The following THSD7B variants were observed in gnomAD, a reference collection of about 807,000 sequenced individuals.
THSD7B encodes thrombospondin type-1 domain-containing protein 7B.
Under a neutral mutation model 213.6 loss-of-function variants are expected in THSD7B, and 138 were observed. The observed-to-expected ratio is 0.65, with a 90% confidence interval of 0.56 to 0.74. The LOEUF is 0.74. Ranked by LOEUF, THSD7B falls within the 30% of genes least tolerant of loss-of-function variation. The pLI is 0.00. For synonymous variants in THSD7B, 742 were observed against 687.0 expected (o/e 1.08, Z -1.25); for missense variants, 1,931 against 1,991.5 (o/e 0.97, Z 0.58).
chr2:137,205,082 G>A (rs991049571), intron 7 of THSD7B, among the ~76,000 whole-genome samples: 2 of 152,170 alleles, frequency 1.3e-5, no homozygotes, highest in Non-Finnish European at 2.9e-5. Context: ...CTCCAGGTAA[G>A]CCTGGGCCAG....
chr2:137,350,535 A>G (rs1456920261), intron 12 of THSD7B, among the ~76,000 whole-genome samples: 1 of 151,868 alleles, frequency 6.6e-6, no homozygotes, highest in Non-Finnish European at 1.5e-5. Flanking sequence ...TATAAGCCAC[A>G]TTCATGTATC....
chr2:137,313,361 T>C (rs915598215), intron 12 of THSD7B, among the ~76,000 whole-genome samples: 5 of 152,148 alleles, frequency 3.3e-5, no homozygotes, highest in African/African-American at 7.2e-5. Context: ...ATTTGCTTGG[T>C]AGATCTTCCT....
intron 12 of THSD7B, among the ~76,000 whole-genome samples, chr2:137,378,445 T>A (rs1228908391): frequency 6.6e-6 from 1 of 152,208 alleles, no homozygotes; most frequent in African/African-American, 2.4e-5. Flanking sequence ...TTAAGAGATT[T>A]GTCTTGCAGC....
At chr2:137,354,842 T>C (rs535389756) in intron 12 of THSD7B, among the ~76,000 whole-genome samples, 67 of 152,108 alleles carry the variant, frequency 4.4e-4, no homozygotes, top group East Asian at 7.8e-4. Context: ...TTTTTTTTTT[T>C]CTAAGTCTTG....
At chr2:136,869,531 C>T (rs1683396892) in intron 1 of THSD7B, among the ~76,000 whole-genome samples, 1 of 152,164 alleles carries the variant, frequency 6.6e-6, no homozygotes, top group African/African-American at 2.4e-5. Flanking sequence ...TATTGAAGCA[C>T]AGCAGTATTA....
At chr2:137,430,490 C>T (rs1320462688) in intron 14 of THSD7B, among the ~76,000 whole-genome samples, 1 of 152,158 alleles carries the variant, frequency 6.6e-6, no homozygotes, top group Admixed American at 6.5e-5. Context: ...AACAATGTTT[C>T]TCTAGCATAC....
chr2:137,614,962 T>G (rs1044482239), intron 17 of THSD7B, among the ~76,000 whole-genome samples: 1 of 152,116 alleles, frequency 6.6e-6, no homozygotes, highest in African/African-American at 2.4e-5. Context: ...CTTATAGAAA[T>G]GGTGATTTGA....
chr2:137,227,529 A>T (rs199902349), intron 7 of THSD7B, among the ~76,000 whole-genome samples: 1 of 152,144 alleles, frequency 6.6e-6, no homozygotes, highest in East Asian at 1.9e-4. Context: ...TGAGATTTCC[A>T]TGGTCTCATT....
intron 2 of THSD7B, among the ~76,000 whole-genome samples, chr2:136,916,076 A>G (rs1684343060): frequency 6.6e-6 from 1 of 152,210 alleles, no homozygotes; most frequent in South Asian, 2.1e-4. Context: ...AAATTTTGCT[A>G]GAGGGAAGAA....
intron 10 of THSD7B, among the ~76,000 whole-genome samples, chr2:137,260,962 A>G (rs1016779979): frequency 5.3e-5 from 8 of 151,950 alleles, no homozygotes; most frequent in Admixed American, 5.2e-4. Context: ...TACCAGGTTT[A>G]TTTTATTTTA....
At chr2:136,781,975 T>C (rs554410142) in intron 1 of THSD7B, among the ~76,000 whole-genome samples, 13 of 152,188 alleles carry the variant, frequency 8.5e-5, no homozygotes, top group African/African-American at 2.4e-4. Context: ...ACAGGGCTTG[T>C]GGGAAAAAGG....
chr2:137,340,990 T>G (rs907907318), intron 12 of THSD7B, among the ~76,000 whole-genome samples: 22 of 150,088 alleles, frequency 1.5e-4, no homozygotes, highest in South Asian at 4.2e-4. Context: ...TGTTTTTTTT[T>G]TTTTTTTTTT....
intron 1 of THSD7B, among the ~76,000 whole-genome samples, chr2:136,806,268 G>A (rs1024110378): frequency 4.6e-5 from 7 of 152,146 alleles, no homozygotes; most frequent in Admixed American, 6.5e-5. Flanking sequence ...TGGACAGTGC[G>A]GGCTCTGGAG....
At chr2:137,649,177 C>T (rs1573765529) in intron 21 of THSD7B, among the ~76,000 whole-genome samples, 1 of 152,046 alleles carries the variant, frequency 6.6e-6, no homozygotes, top group Admixed American at 6.5e-5. Flanking sequence ...TTATTAAGTC[C>T]TTGTCACATG....
At chr2:136,986,149 G>C (rs1454595677) in intron 2 of THSD7B, among the ~76,000 whole-genome samples, 1 of 151,970 alleles carries the variant, frequency 6.6e-6, no homozygotes, top group African/African-American at 2.4e-5. Flanking sequence ...CTTTGGACTT[G>C]GAACTTGGGA....
intron 12 of THSD7B, among the ~76,000 whole-genome samples, chr2:137,282,579 G>A (rs1409729874): frequency 6.6e-6 from 1 of 152,070 alleles, no homozygotes; most frequent in Admixed American, 6.6e-5. Context: ...ATTAATTTTT[G>A]TATAAGGTGT....
intron 12 of THSD7B, among the ~76,000 whole-genome samples, chr2:137,336,803 AT>A (rs1178372949): frequency 6.6e-6 from 1 of 152,120 alleles, no homozygotes; most frequent in Non-Finnish European, 1.5e-5. Context: ...GCTTTCCATT[AT>A]TTTTTAAAAG....
At chr2:137,196,954 GC>G (rs1188753627) in intron 7 of THSD7B, among the ~76,000 whole-genome samples, 4 of 152,156 alleles carry the variant, frequency 2.6e-5, no homozygotes, top group African/African-American at 9.7e-5. Flanking sequence ...CTGTTACGAT[GC>G]CCTAAGAGCT....
At chr2:137,660,892 T>G (rs1448990699) in intron 25 of THSD7B, among the ~76,000 whole-genome samples, 1 of 152,204 alleles carries the variant, frequency 6.6e-6, no homozygotes, top group African/African-American at 2.4e-5. Flanking sequence ...CTGTTAACTA[T>G]AACATGTGCT....
Sources: gnomAD v4.1 joint callset for allele counts (sites outside exome capture counted in the v4.1 genomes callset) on GRCh38, gnomAD v4.1.1 for gene constraint, MANE v1.5 for transcripts, NCBI Gene and HGNC (gene_info 2026-07-23, HGNC 2026-07-21) for gene names.